Variants in RORA observed in about 807,000 individuals in gnomAD.
The protein encoded by RORA is nuclear receptor ROR-alpha.
Under a neutral mutation model 69.5 loss-of-function variants are expected in RORA, and 7 were observed. That is an observed-to-expected ratio of 0.10 (90% CI 0.06 to 0.19). RORA has a LOEUF of 0.19. Ranked by LOEUF, RORA falls within the 10% of genes least tolerant of loss-of-function variation. The probability of loss-of-function intolerance (pLI) is 1.00; values close to 1 mark genes in which losing one functional copy is unlikely to be tolerated. For missense variants in RORA, 457 were observed against 663.0 expected, an observed-to-expected ratio of 0.69 and a Z score of 3.41; for synonymous variants, 261 against 240.8, an observed-to-expected ratio of 1.08 and a Z score of -0.78.
At chr15:60,994,177 G>C (rs1894462793) in intron 1 of RORA, among the ~76,000 whole-genome samples, 1 of 152,200 alleles carries the variant, frequency 6.6e-6, no homozygotes, top group Non-Finnish European at 1.5e-5. Context: ...TATCTAAGCT[G>C]TGTGGCATTT....
chr15:61,078,129 A>G (rs2078480298), intron 1 of RORA, among the ~76,000 whole-genome samples: 3 of 152,174 alleles, frequency 2.0e-5, no homozygotes, highest in Admixed American at 2.0e-4. Context: ...AATACTTACT[A>G]TGTGCCAAGT....
intron 2 of RORA, among the ~76,000 whole-genome samples, chr15:60,674,940 AATGGTCTG>A (rs1225336965): frequency 6.6e-6 from 1 of 152,182 alleles, no homozygotes; most frequent in African/African-American, 2.4e-5. Context: ...AGGAAGCAGC[AATGGTCTG>A]ATGCCTCTGG....
chr15:61,009,090 G>A (rs985981573), intron 1 of RORA, among the ~76,000 whole-genome samples: 3 of 152,166 alleles, frequency 2.0e-5, no homozygotes, highest in African/African-American at 7.2e-5. Flanking sequence ...ATACAAATGC[G>A]AATCTGAAAG....
chr15:61,040,447 T>C (rs782966), intron 1 of RORA, among the ~76,000 whole-genome samples: 150,016 of 152,028 alleles, frequency 0.99, 74,056 homozygotes, highest in Middle Eastern at 1. Flanking sequence ...TCGCAAAACA[T>C]TGATATAAAG....
chr15:61,163,343 G>A (rs943291783), intron 1 of RORA, among the ~76,000 whole-genome samples: 5 of 152,166 alleles, frequency 3.3e-5, no homozygotes, highest in African/African-American at 7.2e-5. Flanking sequence ...CTAGCGATCA[G>A]CGTCATGATG....
intron 1 of RORA, among the ~76,000 whole-genome samples, chr15:60,914,254 C>A (rs1336327552): frequency 6.6e-6 from 1 of 152,180 alleles, no homozygotes; most frequent in Non-Finnish European, 1.5e-5. Context: ...CAATGTCAGA[C>A]TGCGAGAGAA....
At chr15:61,200,892 A>G (rs2140926174) in intron 1 of RORA, among the ~76,000 whole-genome samples, 1 of 152,240 alleles carries the variant, frequency 6.6e-6, no homozygotes, top group Non-Finnish European at 1.5e-5. Flanking sequence ...TAATTAGATC[A>G]TTCCTGAATT....
intron 1 of RORA, among the ~76,000 whole-genome samples, chr15:60,930,327 G>A (rs1331317522): frequency 6.6e-6 from 1 of 152,132 alleles, no homozygotes; most frequent in African/African-American, 2.4e-5. Context: ...GGAAGAGGGA[G>A]GAGCATATCC....
At chr15:60,636,164 C>T (rs980143203) in intron 2 of RORA, among the ~76,000 whole-genome samples, 1 of 152,154 alleles carries the variant, frequency 6.6e-6, no homozygotes, top group Admixed American at 6.5e-5. Context: ...ACCCATGTCC[C>T]ACAGAAACCA....
chr15:60,748,574 G>C (rs1167192443), intron 1 of RORA, among the ~76,000 whole-genome samples: 1 of 152,162 alleles, frequency 6.6e-6, no homozygotes, highest in Admixed American at 6.5e-5. Context: ...TTCTTAACTA[G>C]GTTCCTGACC....
intron 1 of RORA, among the ~76,000 whole-genome samples, chr15:61,189,989 T>C (rs2079782061): frequency 1.3e-5 from 2 of 150,816 alleles, no homozygotes; most frequent in Admixed American, 6.6e-5. Flanking sequence ...AATTAATACA[T>C]GTCTACACCA....
rs188612098 is a variant in RORA at position 60,752,865 on chromosome 15, G to C, written c.167-74179C>G. 1.1e-3 allele frequency among the ~76,000 whole-genome samples: 171 copies of C among 152,274 alleles called. 1 individual carries two copies. Among genetic ancestry groups the C allele is most frequent in the African/African-American group, 3.9e-3 (160 of 41,550 alleles). ...GAAACAAACTGTACCTTTCAGTGCA[G>C]ATTAGATTCATTTTCCTGGGGCTAT... is the stretch of plus-strand genomic sequence containing the variant. On this transcript the variant is annotated intron_variant, in intron 1 of 10. Coordinates refer to ENST00000335670, the MANE Select transcript of RORA (RefSeq NM_134261.3).
intron 1 of RORA, among the ~76,000 whole-genome samples, chr15:60,915,030 T>C (rs2140483153): frequency 6.6e-6 from 1 of 152,240 alleles, no homozygotes; most frequent in African/African-American, 2.4e-5. Flanking sequence ...GGAGGGGAGA[T>C]CAGAGAGACT....
At position 60,534,747 on chromosome 15, in the gene RORA, A is replaced by C. The variant is rs977289194; in HGVS notation, c.197-2896T>G. ...GAAATGACTAAAATCCTCCTACTCC[A>C]AAAGCAAACCCTCTGAATGTGATCT... On this transcript the variant is annotated intron_variant, in intron 2 of 10. Coordinates refer to ENST00000335670, the MANE Select transcript of RORA (RefSeq NM_134261.3). This position sits in a 1 kb window ranked among gnomAD's most constrained non-coding sequence, Gnocchi z 5.0. Among the ~76,000 whole-genome samples, 2 of 152,180 alleles carry C rather than the reference A, an allele frequency of 1.3e-5. No homozygotes were observed. Among genetic ancestry groups the C allele is most frequent in the Non-Finnish European group, 2.9e-5 (2 of 68,026 alleles).
intron 1 of RORA, among the ~76,000 whole-genome samples, chr15:60,706,876 G>A (rs1049430355): frequency 1.3e-5 from 2 of 152,206 alleles, no homozygotes; most frequent in African/African-American, 2.4e-5. Context: ...GCCTCCAAGA[G>A]AAAATTCAGT....
intron 2 of RORA, among the ~76,000 whole-genome samples, chr15:60,591,289 C>G (rs1182981912): frequency 6.6e-6 from 1 of 151,854 alleles, no homozygotes; most frequent in Non-Finnish European, 1.5e-5. Flanking sequence ...TGCGGGCGCA[C>G]AAGCGGGCGG....
intron 2 of RORA, among the ~76,000 whole-genome samples, chr15:60,578,619 A>G (rs900181860): frequency 6.6e-6 from 1 of 152,200 alleles, no homozygotes; most frequent in African/African-American, 2.4e-5. Flanking sequence ...GGAGACAAAC[A>G]TGGTACTTAG....
intron 1 of RORA, among the ~76,000 whole-genome samples, chr15:60,967,820 C>T (rs1244981176): frequency 6.6e-6 from 1 of 152,176 alleles, no homozygotes; most frequent in Non-Finnish European, 1.5e-5. Flanking sequence ...AGCCCAGCCG[C>T]TCACAGGCAC....
intron 1 of RORA, among the ~76,000 whole-genome samples, chr15:61,190,909 C>T (rs1468330015): frequency 6.6e-6 from 1 of 151,578 alleles, no homozygotes; most frequent in Non-Finnish European, 1.5e-5. Flanking sequence ...TCTCATTTTC[C>T]CACTGGCTTT....
Sources: allele counts gnomAD v4.1 joint callset (sites outside exome capture counted in the v4.1 genomes callset), GRCh38; gene constraint gnomAD v4.1.1; non-coding constraint Gnocchi (gnomAD v3.1); transcripts MANE v1.5; gene names NCBI Gene and HGNC (gene_info 2026-07-23, HGNC 2026-07-21).